Variants in IGFBP2 observed in about 807,000 individuals in gnomAD.
IGFBP2 encodes the protein insulin-like growth factor-binding protein 2.
In IGFBP2, 12 loss-of-function variants were observed where a neutral mutation model predicts 26.2. The ratio of observed to expected loss-of-function variants is 0.46; its 90% CI spans 0.29 to 0.74. The LOEUF is 0.74. IGFBP2 is among the 30% of genes least tolerant of loss of function. IGFBP2 has a pLI of 0.09. For missense variants in IGFBP2, 328 were observed against 441.2 expected, an observed-to-expected ratio of 0.74 and a Z score of 2.30; for synonymous variants, 189 against 200.6, an observed-to-expected ratio of 0.94 and a Z score of 0.49.
intron 1 of IGFBP2, among the ~76,000 whole-genome samples, chr2:216,639,117 C>T (rs1393959126): frequency 2.0e-5 from 3 of 150,102 alleles, no homozygotes; most frequent in African/African-American, 7.4e-5. Flanking sequence ...ACTGCAAGCT[C>T]TGCTTCCTGG....
chr2:216,645,306 A>G (rs1358046089), intron 1 of IGFBP2, among the ~76,000 whole-genome samples: 1 of 152,176 alleles, frequency 6.6e-6, no homozygotes, highest in African/African-American at 2.4e-5. Flanking sequence ...CATGACTGAT[A>G]GCCTACTTCT....
chr2:216,664,217 C>A lies in IGFBP2; in HGVS notation c.*113C>A. On this transcript the variant is annotated 3_prime_UTR_variant, in exon 4 of 4. Transcript: ENST00000233809. This position sits in a 1 kb window ranked among gnomAD's most constrained non-coding sequence, Gnocchi z 4.6. ...TGGAGGATTTTCCAGTTCTGACACACGTATTTATATTTGGAAAGAGACCAG... is the reference window on the plus strand; with the variant it reads ...TGGAGGATTTTCCAGTTCTGACACAAGTATTTATATTTGGAAAGAGACCAG... 2.3e-6 allele frequency: 2 copies of A among 859,796 alleles called. No homozygotes were observed. Among genetic ancestry groups the A allele is most frequent in the African/African-American group, 1.7e-5 (1 of 58,566 alleles). 53.3% of individuals were successfully genotyped at this position (859,796 alleles called of 1,614,324 possible).
Position 216,664,109 on chromosome 2 carries a change from C to T in IGFBP2, c.*5C>T, listed in dbSNP as rs1392879338. 1.9e-6 allele frequency: 3 copies of T among 1,583,518 alleles called. No homozygotes were observed. The East Asian group carries it at 6.8e-5, about 36-fold the overall frequency. ...CACACCCAGCGGATGCAGTAGACCG[C>T]AGCCAGCCGGTGCCTGGCGCCCCTG... On this transcript the variant is annotated 3_prime_UTR_variant, in exon 4 of 4. Coordinates refer to ENST00000233809, the MANE Select transcript of IGFBP2 (RefSeq NM_000597.3). This position sits in a 1 kb window ranked among gnomAD's most constrained non-coding sequence, Gnocchi z 4.6.
Position 216,660,781 on chromosome 2 carries a change from G to A in IGFBP2, c.667G>A (p.Ala223Thr), listed in dbSNP as rs1365233270. 7 of 1,579,738 alleles carry A rather than the reference G, an allele frequency of 4.4e-6. No homozygotes were observed. In the South Asian group the frequency reaches 8.1e-5, roughly 18 times the overall value. Residue 223 changes from alanine (A) to threonine (T), a missense_variant, in exon 2 of 4, where the codon GCC becomes ACC. Transcript: ENST00000233809. ...GCCCAAGAAGCTGCGACCACCCCCT[G>A]CCAGGGTCAGTGAGGGTCAGGTCTG... ...EEPKKLRPPP[A>T]RTPCQQELDQ...
At chr2:216,634,257 A>T (rs368616098) in intron 1 of IGFBP2, among the ~76,000 whole-genome samples, 3 of 152,096 alleles carry the variant, frequency 2.0e-5, no homozygotes, top group Non-Finnish European at 4.4e-5. Context: ...TCTATTCTGG[A>T]GGAGGGATTT....
chr2:216,640,464 C>A (rs1697589385), intron 1 of IGFBP2, among the ~76,000 whole-genome samples: 1 of 152,224 alleles, frequency 6.6e-6, no homozygotes, highest in Non-Finnish European at 1.5e-5. Context: ...CTTATCCTGT[C>A]TCTGGCCAGC....
intron 1 of IGFBP2, among the ~76,000 whole-genome samples, chr2:216,651,809 T>TAGTG (rs1697830267): frequency 6.6e-6 from 1 of 152,022 alleles, no homozygotes; most frequent in Admixed American, 6.5e-5. Flanking sequence ...GGCTGGAGTG[T>TAGTG]AGTGGTGTAA....
Position 216,633,484 on chromosome 2 carries a change from T to TCGCTCGCTCGCCCGCC in IGFBP2, c.-39_-24dup. 2 of 514,254 alleles carry TCGCTCGCTCGCCCGCC rather than the reference T, an allele frequency of 3.9e-6. No individual in the cohort carries two copies. The highest frequency in any genetic ancestry group is 5.0e-6 in the Non-Finnish European group (2 of 397,148). The allele number at this position is 514,254 out of a possible 1,614,324, so 31.9% of individuals were successfully genotyped here. On this transcript the variant is annotated 5_prime_UTR_variant, in exon 1 of 4. Coordinates refer to ENST00000233809, the MANE Select transcript of IGFBP2 (RefSeq NM_000597.3). The stretch of plus-strand genomic sequence containing the variant: ...CCGTGCCACCTGCCCGCCCGCCCGC[T>TCGCTCGCTCGCCCGCC]CGCTCGCTCGCCCGCCGCGCCGCGC...
chr2:216,649,162 T>C (rs1697771171), intron 1 of IGFBP2, among the ~76,000 whole-genome samples: 1 of 152,252 alleles, frequency 6.6e-6, no homozygotes, highest in Non-Finnish European at 1.5e-5. Context: ...CCAAATTGTT[T>C]TGTGAAAATA....
chr2:216,637,214 GGACAGAACTCC>G (rs1401023001), intron 1 of IGFBP2, among the ~76,000 whole-genome samples: 4 of 152,172 alleles, frequency 2.6e-5, no homozygotes, highest in Non-Finnish European at 1.5e-5. Context: ...CCCCCCATCT[GGACAGAACTCC>G]CGGCACTAGT....
intron 1 of IGFBP2, among the ~76,000 whole-genome samples, chr2:216,649,582 G>T (rs9341155): frequency 1.3e-5 from 2 of 152,218 alleles, no homozygotes; most frequent in Admixed American, 1.3e-4. Context: ...TTTGGGACCC[G>T]TGGAAAGGAG....
intron 1 of IGFBP2, among the ~76,000 whole-genome samples, chr2:216,639,007 ATTTTT>A (rs1208707145): frequency 8.7e-6 from 1 of 115,050 alleles, no homozygotes; most frequent in Non-Finnish European, 1.7e-5. Context: ...GACCAGGCTA[ATTTTT>A]TTTTTTTTTT....
At chr2:216,655,936 CTTGT>C (rs1370323683) in intron 1 of IGFBP2, among the ~76,000 whole-genome samples, 2 of 151,590 alleles carry the variant, frequency 1.3e-5, no homozygotes, top group Non-Finnish European at 2.9e-5. Flanking sequence ...TATTTTATAA[CTTGT>C]TTAATAAATG....
chr2:216,635,003 T>G (rs1311781107), intron 1 of IGFBP2, among the ~76,000 whole-genome samples: 1 of 151,432 alleles, frequency 6.6e-6, no homozygotes, highest in Non-Finnish European at 1.5e-5. Context: ...TGCCTGCTGC[T>G]GTTGTTGAAA....
chr2:216,653,512 A>G (rs927244815), intron 1 of IGFBP2, among the ~76,000 whole-genome samples: 3 of 152,230 alleles, frequency 2.0e-5, no homozygotes, highest in African/African-American at 4.8e-5. Context: ...AAGACAATGT[A>G]GGGACCCCAT....
chr2:216,634,234 A>G (rs1697447845), intron 1 of IGFBP2, among the ~76,000 whole-genome samples: 1 of 152,170 alleles, frequency 6.6e-6, no homozygotes, highest in African/African-American at 2.4e-5. Context: ...CCCGCGTGGA[A>G]CGGACCCAGA....
chr2:216,659,363 A>G (rs1388958612), intron 1 of IGFBP2, among the ~76,000 whole-genome samples: 1 of 152,244 alleles, frequency 6.6e-6, no homozygotes, highest in African/African-American at 2.4e-5. Flanking sequence ...TTAATGGGGA[A>G]GAAAAAATGT....
rs9341175 is a variant in IGFBP2, at chr2:216,653,700, A to G, written c.443-6857A>G. Among the ~76,000 whole-genome samples the G allele has an allele frequency of 8.7e-3, 1,330 of 152,136 alleles. 24 individuals are homozygous for G. The highest frequency in any genetic ancestry group is 0.03 in the African/African-American group (1,262 of 41,500). Reference sequence around the variant, plus strand: ...CTTAGGTAGAAAGGTGTGGCAGTCTACCCAAGGCAGGGGTGGGAGTTCTCC... The same window carrying G: ...CTTAGGTAGAAAGGTGTGGCAGTCTGCCCAAGGCAGGGGTGGGAGTTCTCC... On this transcript the variant is annotated intron_variant, in intron 1 of 3. Transcript: ENST00000233809.
At chr2:216,637,622 A>T (rs1051076017) in intron 1 of IGFBP2, among the ~76,000 whole-genome samples, 1 of 152,200 alleles carries the variant, frequency 6.6e-6, no homozygotes, top group African/African-American at 2.4e-5. Flanking sequence ...AATTCTACTT[A>T]ACAATGTTAA....
Sources: gnomAD v4.1 joint callset for allele counts (sites outside exome capture counted in the v4.1 genomes callset) on GRCh38, gnomAD v4.1.1 for gene constraint, Gnocchi (gnomAD v3.1) non-coding constraint, MANE v1.5 for transcripts, NCBI Gene and HGNC (gene_info 2026-07-23, HGNC 2026-07-21) for gene names.